ZNF124: variants seen among roughly 807,000 people sequenced by gnomAD.
ZNF124 encodes the protein zinc finger protein HZF-16.
Under a neutral mutation model 26.6 loss-of-function variants are expected in ZNF124, and 25 were observed. The observed-to-expected ratio is 0.94, with a 90% CI of 0.68 to 1.31. ZNF124 has a LOEUF of 1.31. Among genes scored for constraint, ZNF124 ranks in the 40% most tolerant of loss-of-function variants. ZNF124 has a pLI of 0.00. For synonymous variants in ZNF124, 129 were observed against 133.3 expected (o/e 0.97, Z 0.22); for missense variants, 444 against 422.2 (o/e 1.05, Z -0.45).
rs970181838 is a variant in ZNF124 at position 247,156,276 on chromosome 1, G to A, written c.*290C>T. 1.3e-5 allele frequency: 14 copies of A among 1,101,856 alleles called. No individual in the cohort carries two copies. The highest frequency in any genetic ancestry group is 1.5e-5 in the Non-Finnish European group (14 of 906,756). The allele number at this position is 1,101,856 out of a possible 1,614,324, so 68.3% of individuals were successfully genotyped here. Reference sequence around the variant, plus strand: ...CCTTCATAAAGTTTTTCTCTAGAATGAGTTATGTTATACCATCAAATACCA... The same window carrying A: ...CCTTCATAAAGTTTTTCTCTAGAATAAGTTATGTTATACCATCAAATACCA... On this transcript the variant is annotated 3_prime_UTR_variant, in exon 4 of 4. Transcript: ENST00000543802.
At chr1:247,130,801 A>G (rs747965914) in intron 3 of ZNF124, among the ~76,000 whole-genome samples, 4 of 152,196 alleles carry the variant, frequency 2.6e-5, no homozygotes, top group Non-Finnish European at 5.9e-5. Context: ...GTGGGGGCCA[A>G]GCGCGGTGGC....
intron 3 of ZNF124, among the ~76,000 whole-genome samples, 176 bp downstream of exon 3, chr1:247,158,830 T>C (rs1673303798): frequency 6.6e-6 from 1 of 152,160 alleles, no homozygotes. Flanking sequence ...GTTTTTGCCG[T>C]GTTGGTCAGG....
At chr1:247,151,381 A>C (rs758185021), downstream of ZNF124, among the ~76,000 whole-genome samples, 2 of 151,474 alleles carry the variant, frequency 1.3e-5, no homozygotes, top group Non-Finnish European at 2.9e-5. Flanking sequence ...CGGGAGGCTG[A>C]GGCAGGAGAA....
downstream of ZNF124, among the ~76,000 whole-genome samples, chr1:247,151,478 C>CAA (rs565076160): frequency 5.0e-3 from 370 of 73,656 alleles, 5 homozygotes; most frequent in African/African-American, 0.015. Flanking sequence ...GACTCCGTCT[C>CAA]AAAAAAAAAA....
At chr1:247,145,876 G>C (rs909843453) in intron 3 of ZNF124, among the ~76,000 whole-genome samples, 3 of 152,154 alleles carry the variant, frequency 2.0e-5, no homozygotes, top group African/African-American at 7.2e-5. Context: ...ACCAGCCTCA[G>C]CCTCCCAAAG....
At chr1:247,135,290 C>T (rs1188726247) in intron 3 of ZNF124, among the ~76,000 whole-genome samples, 1 of 151,790 alleles carries the variant, frequency 6.6e-6, no homozygotes, top group East Asian at 1.9e-4. Context: ...CAAAATAGAC[C>T]ACTAGCTAGA....
At chr1:247,152,939 C>G (rs866308976), downstream of ZNF124, among the ~76,000 whole-genome samples, 7 of 152,100 alleles carry the variant, frequency 4.6e-5, no homozygotes, top group Non-Finnish European at 8.8e-5. Context: ...CAAGACCATC[C>G]TGGCTAACAC....
intron 3 of ZNF124, chr1:247,138,694 C>A: frequency 2.5e-6 from 1 of 398,574 alleles, no homozygotes; most frequent in Non-Finnish European, 4.4e-6. Flanking sequence ...AAGAAAGGTA[C>A]ATACATAGAC....
Position 247,156,639 on chromosome 1 carries a change from C to T in ZNF124, c.983G>A (p.Ser328Asn). The change falls in exon 4 of 4, where the codon AGT (serine) becomes AAT (asparagine). Residue 328 changes from serine (S) to asparagine (N), a missense_variant. Coordinates refer to ENST00000543802, the MANE Select transcript of ZNF124 (RefSeq NM_001297568.2). ...YECQKCGKAF[S>N]RASTLWKHKK... ...ATGCTTCCAAAGGGTACTAGCACGACTAAAGGCTTTGCCACATTTCTGACA... is the reference window on the plus strand; with the variant it reads ...ATGCTTCCAAAGGGTACTAGCACGATTAAAGGCTTTGCCACATTTCTGACA... The T allele has an allele frequency of 6.2e-7, 1 of 1,607,512 alleles. No homozygotes were observed. The highest frequency in any genetic ancestry group is 2.2e-5 in the East Asian group (1 of 44,868).
rs113880787 is a variant in ZNF124 at position 247,124,117 on chromosome 1, T to C, written c.219-246A>G. Among the ~76,000 whole-genome samples the C allele has an allele frequency of 3.2e-3, 463 of 145,846 alleles. 2 individuals carry two copies. Among genetic ancestry groups the C allele is most frequent in the Admixed American group, 6.9e-3 (100 of 14,512 alleles). On this transcript the variant is annotated intron_variant, in intron 3 of 3. Coordinates refer to the ZNF124 transcript ENST00000472531. The stretch of plus-strand genomic sequence containing the variant: ...TGCTGGGATTACAGGCGTGAGCCAC[T>C]GCGCCCGGCCTACGTGAGCCATTTT...
At position 247,157,386 on chromosome 1, in the gene ZNF124, G is replaced by A. The variant is rs761501085; in HGVS notation, c.236C>T (p.Ser79Phe). The change falls in exon 4 of 4, where the codon TCT becomes TTT. Residue 79 changes from serine (S) to phenylalanine (F), a missense_variant. By Grantham distance (155) the Ser-to-Phe change is radical. Coordinates refer to ENST00000543802, the MANE Select transcript of ZNF124 (RefSeq NM_001297568.2). ...SRNLRHIISHSGNNPYGCEEC... is the reference protein window; with the variant it reads ...SRNLRHIISHFGNNPYGCEEC... ...CTCACACCCATATGGGTTGTTTCCA[G>A]AATGAGATATGATGTGCCTATGAAG... 1.9e-6 allele frequency: 3 copies of A among 1,552,560 alleles called. No homozygotes were observed. The South Asian group carries it at 3.6e-5, about 18-fold the overall frequency.
chr1:247,122,945 A>G (rs1255110557), exon 4 of ZNF124: 1 of 152,196 alleles, frequency 6.6e-6, no homozygotes, highest in African/African-American at 2.4e-5. Context: ...ATGGCTTCCA[A>G]CCTAATTCCC....
intron 3 of ZNF124, among the ~76,000 whole-genome samples, chr1:247,140,623 T>G (rs1672602917): frequency 6.8e-6 from 1 of 146,794 alleles, no homozygotes; most frequent in South Asian, 2.2e-4. Context: ...CAGTGTAGAT[T>G]GAGTACAGTC....
intron 3 of ZNF124, among the ~76,000 whole-genome samples, chr1:247,135,401 A>G (rs1300990295): frequency 6.6e-6 from 1 of 152,230 alleles, no homozygotes; most frequent in Non-Finnish European, 1.5e-5. Flanking sequence ...AGAGAATACT[A>G]TAAACACTCA....
At chr1:247,123,541 A>G in exon 4 of ZNF124, 2 of 325,034 alleles carry the variant, frequency 6.2e-6, no homozygotes, top group Non-Finnish European at 1.1e-5. Context: ...TCACACACGT[A>G]TCGAACATTG....
chr1:247,135,823 T>TA (rs1236034045), intron 3 of ZNF124, among the ~76,000 whole-genome samples: 1 of 152,146 alleles, frequency 6.6e-6, no homozygotes, highest in East Asian at 1.9e-4. Flanking sequence ...TCAAAAAACT[T>TA]ATTCACCACG....
downstream of ZNF124, among the ~76,000 whole-genome samples, chr1:247,153,445 T>G (rs1445768850): frequency 6.6e-6 from 1 of 152,216 alleles, no homozygotes; most frequent in Non-Finnish European, 1.5e-5. Flanking sequence ...CTGTCTGGAC[T>G]GAAGTCACGG....
downstream of ZNF124, among the ~76,000 whole-genome samples, chr1:247,153,724 G>T (rs1673012027): frequency 1.3e-5 from 2 of 152,102 alleles, no homozygotes; most frequent in South Asian, 4.1e-4. Context: ...TCCAGTGAGG[G>T]CTACTAAATC....
chr1:247,125,508 T>C (rs1334527607), intron 3 of ZNF124, among the ~76,000 whole-genome samples: 1 of 128,792 alleles, frequency 7.8e-6, no homozygotes, highest in Non-Finnish European at 1.6e-5. Context: ...CTCCACTGAC[T>C]GCAACCTCTG....
Sources: allele counts gnomAD v4.1 joint callset (sites outside exome capture counted in the v4.1 genomes callset), GRCh38; gene constraint gnomAD v4.1.1; transcripts MANE v1.5; gene names NCBI Gene and HGNC (gene_info 2026-07-23, HGNC 2026-07-21).